ATP2B2: variants seen among roughly 807,000 people sequenced by gnomAD.
The protein encoded by ATP2B2 is ATPase plasma membrane Ca2+ transporting 2, also known as plasma membrane calcium-transporting ATPase 2.
In ATP2B2, 15 loss-of-function variants were observed where a neutral mutation model predicts 120.0. The observed-to-expected ratio is 0.12, with a 90% CI of 0.08 to 0.19. The LOEUF (loss-of-function observed/expected upper bound fraction) is 0.19. Ranked by LOEUF, ATP2B2 falls within the 10% of genes least tolerant of loss-of-function variation. The pLI is 1.00. For missense variants in ATP2B2, 1,045 were observed against 1,719.8 expected (o/e 0.61, Z 6.94); for synonymous variants, 694 against 700.3 (o/e 0.99, Z 0.14).
chr3:10,632,684 G>A (rs1003750178), intron 1 of ATP2B2, among the ~76,000 whole-genome samples: 14 of 152,220 alleles, frequency 9.2e-5, no homozygotes, highest in Non-Finnish European at 1.5e-4. Flanking sequence ...CCTACCCTGG[G>A]TCTTTCTCTT....
At chr3:10,354,069 T>C in intron 14 of ATP2B2, among the ~76,000 whole-genome samples, 1 of 152,232 alleles carries the variant, frequency 6.6e-6, no homozygotes, top group East Asian at 1.9e-4. Flanking sequence ...CTGTCCCCTC[T>C]GCCTGGAATG....
At chr3:10,541,100 C>T (rs1473032293) in intron 2 of ATP2B2, among the ~76,000 whole-genome samples, 8 of 151,780 alleles carry the variant, frequency 5.3e-5, no homozygotes, top group Non-Finnish European at 7.4e-5. Flanking sequence ...GGGTCTGTAG[C>T]GTTATTCTTT....
At chr3:10,414,255 C>T (rs1171058083) in intron 2 of ATP2B2, among the ~76,000 whole-genome samples, 4 of 152,064 alleles carry the variant, frequency 2.6e-5, no homozygotes, top group African/African-American at 4.8e-5. Flanking sequence ...TCAGAAGTTC[C>T]GGAGTCCACA....
intron 5 of ATP2B2, among the ~76,000 whole-genome samples, chr3:10,398,189 C>T (rs2062104803): frequency 6.6e-6 from 1 of 152,176 alleles, no homozygotes; most frequent in Non-Finnish European, 1.5e-5. Context: ...GATAGAGCTC[C>T]AGGGAAGGCC....
At chr3:10,519,498 G>T (rs988987780) in intron 3 of ATP2B2, among the ~76,000 whole-genome samples, 1 of 152,194 alleles carries the variant, frequency 6.6e-6, no homozygotes, top group African/African-American at 2.4e-5. Context: ...TGGCAGCATG[G>T]CAGGGCAGGC....
intron 2 of ATP2B2, among the ~76,000 whole-genome samples, chr3:10,414,723 G>T (rs1189741985): frequency 6.6e-6 from 1 of 152,202 alleles, no homozygotes; most frequent in Non-Finnish European, 1.5e-5. Flanking sequence ...TTGGGACAGG[G>T]CGATGTGGCT....
chr3:10,436,891 C>T (rs764087809), intron 2 of ATP2B2, among the ~76,000 whole-genome samples: 87 of 149,730 alleles, frequency 5.8e-4, no homozygotes, highest in Non-Finnish European at 1.0e-3. Flanking sequence ...TTGCATCTGT[C>T]TTCGTGGAGG....
chr3:10,356,853 A>T (rs1221781017), intron 14 of ATP2B2, among the ~76,000 whole-genome samples: 2 of 152,160 alleles, frequency 1.3e-5, no homozygotes, highest in African/African-American at 4.8e-5. Flanking sequence ...GCAGGAAAGC[A>T]CGTGTGGGCT....
intron 2 of ATP2B2, among the ~76,000 whole-genome samples, chr3:10,432,310 CA>C (rs2063341182): frequency 6.6e-6 from 1 of 152,240 alleles, no homozygotes; most frequent in South Asian, 2.1e-4. Context: ...GCCCCTGACT[CA>C]GGCGAGATCT....
intron 1 of ATP2B2, among the ~76,000 whole-genome samples, chr3:10,504,085 G>A (rs1465098677): frequency 6.6e-6 from 1 of 152,100 alleles, no homozygotes; most frequent in African/African-American, 2.4e-5. Context: ...TGAATTTGTG[G>A]GCATGCATAT....
chr3:10,701,064 C>T (rs1010243912), intron 1 of ATP2B2, among the ~76,000 whole-genome samples: 7 of 152,008 alleles, frequency 4.6e-5, no homozygotes, highest in East Asian at 1.9e-4. Context: ...TTCTATAGCA[C>T]GAATGACTAA....
rs200385103 is a variant in ATP2B2 at position 10,375,413 on chromosome 3, C to G, written c.1416+17G>C. ...CAGCTGCATCAGCCGGCTGGTCCTG[C>G]TCTCCTCCCCTCTCACCTTCACCGA... On this transcript the variant is annotated intron_variant, in intron 11 of 22. Coordinates refer to ENST00000360273, the MANE Select transcript of ATP2B2 (RefSeq NM_001001331.4). The surrounding 1 kb of genome is among the most constrained non-coding windows in gnomAD (Gnocchi z 4.2). 112 of 1,603,916 alleles carry G rather than the reference C, an allele frequency of 7.0e-5. No homozygotes were observed. The African/African-American group carries it at 1.5e-3, about 21-fold the overall frequency.
At chr3:10,618,315 A>T (rs931072456) in intron 2 of ATP2B2, among the ~76,000 whole-genome samples, 2 of 152,124 alleles carry the variant, frequency 1.3e-5, no homozygotes, top group Non-Finnish European at 2.9e-5. Context: ...CCTATGTAAG[A>T]GGTGAACCTT....
rs377255101 is a variant in ATP2B2, at chr3:10,657,265, G to A, written c.-459-37304C>T. Among the ~76,000 whole-genome samples the A allele has an allele frequency of 8.5e-5, 13 of 152,316 alleles. No individual in the cohort carries two copies. The South Asian group carries it at 1.0e-3, about 12-fold the overall frequency. ...GTGCCTTTTACACCCCTGTGCCTTT[G>A]CACATGCCGTTCCCTCTTCCTACAA... is the stretch of plus-strand genomic sequence containing the variant. On this transcript the variant is annotated intron_variant, in intron 1 of 21. Coordinates refer to the ATP2B2 transcript ENST00000646379.
chr3:10,483,026 G>A (rs1348925018), intron 1 of ATP2B2, among the ~76,000 whole-genome samples: 2 of 152,178 alleles, frequency 1.3e-5, no homozygotes, highest in African/African-American at 2.4e-5. Context: ...AGGTGAAGTC[G>A]CTTACCCAAC....
chr3:10,593,596 A>C (rs1208976908), intron 2 of ATP2B2, among the ~76,000 whole-genome samples: 1 of 152,184 alleles, frequency 6.6e-6, no homozygotes, highest in Non-Finnish European at 1.5e-5. Flanking sequence ...TGTTAGACCT[A>C]AAACCATAAA....
intron 2 of ATP2B2, among the ~76,000 whole-genome samples, chr3:10,442,449 C>T (rs2063700502): frequency 6.6e-6 from 1 of 152,194 alleles, no homozygotes. Context: ...CAGACTCTAC[C>T]ACCCCAGCCT....
At chr3:10,403,266 G>A (rs936808043) in intron 3 of ATP2B2, among the ~76,000 whole-genome samples, 2 of 152,160 alleles carry the variant, frequency 1.3e-5, no homozygotes, top group Non-Finnish European at 2.9e-5. Context: ...GGAGTGAGCC[G>A]CCCTCCACAG....
At chr3:10,579,300 T>C (rs2068328972) in intron 2 of ATP2B2, among the ~76,000 whole-genome samples, 1 of 152,232 alleles carries the variant, frequency 6.6e-6, no homozygotes, top group Non-Finnish European at 1.5e-5. Context: ...GTGGAGATGA[T>C]GCTGCAAATG....
Sources: gnomAD v4.1 joint callset for allele counts (sites outside exome capture counted in the v4.1 genomes callset) on GRCh38, gnomAD v4.1.1 for gene constraint, Gnocchi (gnomAD v3.1) non-coding constraint, MANE v1.5 for transcripts, NCBI Gene and HGNC (gene_info 2026-07-23, HGNC 2026-07-21) for gene names.